RRAGC: variants seen among roughly 807,000 people sequenced by gnomAD.
RRAGC encodes the protein ras-related GTP-binding protein C.
Under a neutral mutation model 37.1 loss-of-function variants are expected in RRAGC, and 8 were observed. The ratio of observed to expected loss-of-function variants is 0.22; its 90% CI spans 0.13 to 0.39. The LOEUF (loss-of-function observed/expected upper bound fraction) is 0.39. RRAGC is among the 10% of genes least tolerant of loss of function. The pLI is 1.00. For synonymous variants in RRAGC, 190 were observed against 181.1 expected, an observed-to-expected ratio of 1.05 and a Z score of -0.39; for missense variants, 342 against 497.6, an observed-to-expected ratio of 0.69 and a Z score of 2.98.
chr1:38,851,234 G>C (rs192755842), intron 5 of RRAGC, among the ~76,000 whole-genome samples: 1 of 152,122 alleles, frequency 6.6e-6, no homozygotes, highest in Non-Finnish European at 1.5e-5. Context: ...CACAAAGCCT[G>C]AGGTTAAATC....
chr1:38,842,248 G>A (rs1258871057), intron 6 of RRAGC, among the ~76,000 whole-genome samples: 3 of 152,196 alleles, frequency 2.0e-5, no homozygotes, highest in South Asian at 2.1e-4. Context: ...CTCCAGCCTG[G>A]GTGACAGAGC....
rs993275832 is a variant in RRAGC, at chr1:38,859,764, C to T, written c.-118G>A. The T allele has an allele frequency of 2.0e-5, 18 of 914,924 alleles. No individual in the cohort carries two copies. The African/African-American group carries it at 3.2e-4, about 16-fold the overall frequency. The allele number at this position is 914,924 out of a possible 1,614,324, so 56.7% of individuals were successfully genotyped here. On this transcript the variant is annotated 5_prime_UTR_variant, in exon 1 of 7. Coordinates refer to ENST00000373001, the MANE Select transcript of RRAGC (RefSeq NM_022157.4). The stretch of plus-strand genomic sequence containing the variant: ...CCACCGCCACCGCCCCCGGCAGCCG[C>T]CACAGTCCGGCCCGCCCCCCGGAGC...
chr1:38,849,235 G>A (rs1642066398), intron 5 of RRAGC, among the ~76,000 whole-genome samples: 1 of 152,104 alleles, frequency 6.6e-6, no homozygotes, highest in Non-Finnish European at 1.5e-5. Context: ...CGTGGCTGGA[G>A]TGCAGTGATG....
In RRAGC at chr1:38,856,894, G is replaced by A. The variant is rs755962840; in HGVS notation, c.426C>T (p.Tyr142=). ...TACTGACTACCTGTGCGTCAATGAC[G>A]TATATCAATGCTCCTGTTCCCCTGA... The part of the protein sequence containing the change: ...MIFRGTGALI[Y]VIDAQDDYME... Residue 142 remains tyrosine, a synonymous_variant, in exon 2 of 7, where the codon TAC becomes TAT. Coordinates refer to ENST00000373001, the MANE Select transcript of RRAGC (RefSeq NM_022157.4). 11 of 1,613,918 alleles carry A rather than the reference G, an allele frequency of 6.8e-6. No individual in the cohort carries two copies. Among genetic ancestry groups the A allele is most frequent in the East Asian group, 2.2e-5 (1 of 44,892 alleles).
At position 38,859,700 on chromosome 1, in the gene RRAGC, G is replaced by GGCCGCCGCCTCCCCAGTCCGCCTCC. The variant is rs1464471139; in HGVS notation, c.-79_-55dup. On this transcript the variant is annotated 5_prime_UTR_variant, in exon 1 of 7. Coordinates refer to ENST00000373001, the MANE Select transcript of RRAGC (RefSeq NM_022157.4). Reference sequence around the variant, plus strand: ...TGACAGGCCAGGCCAGGCCGAGCCAGGCCGCCGCCTCCCCAGTCCGCCTCC... The same window carrying GGCCGCCGCCTCCCCAGTCCGCCTCC: ...TGACAGGCCAGGCCAGGCCGAGCCAGGCCGCCGCCTCCCCAGTCCGCCTCCGCCGCCGCCTCCCCAGTCCGCCTCC... 4.4e-6 allele frequency: 6 copies of GGCCGCCGCCTCCCCAGTCCGCCTCC among 1,352,406 alleles called. No homozygotes were observed. Among genetic ancestry groups the GGCCGCCGCCTCCCCAGTCCGCCTCC allele is most frequent in the Non-Finnish European group, 5.7e-6 (6 of 1,047,940 alleles). 83.8% of individuals were successfully genotyped at this position (1,352,406 alleles called of 1,614,324 possible).
chr1:38,852,554 T>G lies in RRAGC; in HGVS notation c.642-66A>C, dbSNP rs899071082. ...TTATGTTCTATGACAACTATTATAA[T>G]ACATAAAATTTTAAGTTTCTTAACA... On this transcript the variant is annotated intron_variant, in intron 3 of 6. Transcript: ENST00000373001. The G allele has an allele frequency of 7.8e-6, 6 of 766,686 alleles. No individual in the cohort carries two copies. The African/African-American group carries it at 1.1e-4, about 14-fold the overall frequency. 47.5% of individuals were successfully genotyped at this position (766,686 alleles called of 1,614,324 possible).
chr1:38,859,448 T>A lies in RRAGC; in HGVS notation c.199A>T (p.Met67Leu), dbSNP rs1642208581. The A allele has an allele frequency of 3.2e-6, 5 of 1,548,340 alleles. No homozygotes were observed. The highest frequency in any genetic ancestry group is 1.2e-5 in the South Asian group (1 of 84,006). ...GACTTGCCGCTGCGCCGGAGTCCCA[T>A]GAGCAGAATCCTCGGCTTGGAGCTG... is the stretch of plus-strand genomic sequence containing the variant. ...ADSSKPRILLMGLRRSGKSSI... is the reference protein window; with the variant it reads ...ADSSKPRILLLGLRRSGKSSI... The change falls in exon 1 of 7, where the codon ATG becomes TTG. Residue 67 changes from methionine (M) to leucine (L), a missense_variant. Coordinates refer to ENST00000373001, the MANE Select transcript of RRAGC (RefSeq NM_022157.4).
At chr1:38,842,039 G>A (rs374709294) in intron 6 of RRAGC, among the ~76,000 whole-genome samples, 1 of 152,186 alleles carries the variant, frequency 6.6e-6, no homozygotes, top group South Asian at 2.1e-4. Flanking sequence ...TCAGGAGGCT[G>A]AGGCAGGTGG....
chr1:38,839,226 G>A lies in RRAGC; in HGVS notation c.*327C>T, dbSNP rs760401544. On this transcript the variant is annotated 3_prime_UTR_variant, in exon 7 of 7. Coordinates refer to ENST00000373001, the MANE Select transcript of RRAGC (RefSeq NM_022157.4). ...CTGGAATTGATGGCAACATTCCCTG[G>A]TAAGGATGGGTAACTGGTGTTATCT... The A allele has an allele frequency of 5.5e-5, 13 of 234,466 alleles. No individual in the cohort carries two copies. The highest frequency in any genetic ancestry group is 1.1e-4 in the Admixed American group (2 of 18,042). 14.5% of individuals were successfully genotyped at this position (234,466 alleles called of 1,614,324 possible). A position where few individuals can be genotyped will look rare whatever the true frequency, so the allele number is the denominator to read the frequency against.
chr1:38,849,100 CAA>C (rs562731544), intron 5 of RRAGC, among the ~76,000 whole-genome samples: 3 of 116,440 alleles, frequency 2.6e-5, no homozygotes. Flanking sequence ...GACCATGTCT[CAA>C]AAAAAAAAAA....
chr1:38,847,594 C>G (rs990616062), intron 5 of RRAGC: 1 of 151,726 alleles, frequency 6.6e-6, no homozygotes, highest in Non-Finnish European at 1.5e-5. Flanking sequence ...CTTATTTTTA[C>G]TATTCTGAAC....
intron 6 of RRAGC, among the ~76,000 whole-genome samples, chr1:38,841,134 G>C (rs1479601329): frequency 1.3e-5 from 2 of 152,056 alleles, no homozygotes; most frequent in Non-Finnish European, 2.9e-5. Context: ...GATAACTACT[G>C]AATCTGGGCA....
rs1479250689 is a variant in RRAGC at position 38,859,436 on chromosome 1, G to T, written c.211C>A (p.Arg71Ser). 1 of 1,548,262 alleles carries T rather than the reference G, an allele frequency of 6.5e-7. No homozygotes were observed. The highest frequency in any genetic ancestry group is 1.4e-5 in the African/African-American group (1 of 72,966). The change falls in exon 1 of 7, where the codon CGC (arginine) becomes AGC (serine). Residue 71 changes from arginine to serine, a missense_variant. By Grantham distance (110) the Arg-to-Ser change is moderately radical (BLOSUM62 -1). This residue lies in a region of RRAGC where 134 missense variants were observed against 277.2 expected (regional missense o/e 0.48). Coordinates refer to ENST00000373001, the MANE Select transcript of RRAGC (RefSeq NM_022157.4). ...TTCTGGATGGAGGACTTGCCGCTGCGCCGGAGTCCCATGAGCAGAATCCTC... is the reference window on the plus strand; with the variant it reads ...TTCTGGATGGAGGACTTGCCGCTGCTCCGGAGTCCCATGAGCAGAATCCTC... ...KPRILLMGLR[R>S]SGKSSIQKVV...
rs1325280530 is a variant in RRAGC at position 38,839,348 on chromosome 1, T to G, written c.*205A>C. ...CTCCAGAATTTTTTTTTTTTTTTTTTGCCATTTTCAAAAAAGATATAGTAG... is the reference window on the plus strand; with the variant it reads ...CTCCAGAATTTTTTTTTTTTTTTTTGGCCATTTTCAAAAAAGATATAGTAG... On this transcript the variant is annotated 3_prime_UTR_variant, in exon 7 of 7. Transcript: ENST00000373001. The G allele has an allele frequency of 4.8e-6, 2 of 414,056 alleles. No individual in the cohort carries two copies. Among genetic ancestry groups the G allele is most frequent in the African/African-American group, 2.0e-5 (1 of 49,332 alleles). The allele number at this position is 414,056 out of a possible 1,614,324, so 25.6% of individuals were successfully genotyped here.
chr1:38,843,382 C>T (rs1176502757), intron 6 of RRAGC, among the ~76,000 whole-genome samples: 1 of 151,966 alleles, frequency 6.6e-6, no homozygotes, highest in Non-Finnish European at 1.5e-5. Context: ...GGTGAAGATA[C>T]ATGTTTTGAT....
At chr1:38,849,483 G>GGAT (rs939617101) in intron 5 of RRAGC, among the ~76,000 whole-genome samples, 4 of 152,302 alleles carry the variant, frequency 2.6e-5, no homozygotes, top group African/African-American at 9.6e-5. Context: ...GAGGCCAGGA[G>GGAT]TTCGAGACCA....
Position 38,838,994 on chromosome 1 carries a change from T to C in RRAGC, c.*559A>G, listed in dbSNP as rs1641917020. The C allele has an allele frequency of 1.3e-5, 2 of 152,260 alleles. No homozygotes were observed. The highest frequency in any genetic ancestry group is 1.3e-4 in the Admixed American group (2 of 15,282). The allele number at this position is 152,260 out of a possible 1,614,324, so 9.4% of individuals were successfully genotyped here. A position where few individuals can be genotyped will look rare whatever the true frequency, so the allele number is the denominator to read the frequency against. ...TGATGCAGCATAAAATTTTCTCTCATTTCTTCAATATAGGAATGTCTTGCT... is the reference window on the plus strand; with the variant it reads ...TGATGCAGCATAAAATTTTCTCTCACTTCTTCAATATAGGAATGTCTTGCT... On this transcript the variant is annotated 3_prime_UTR_variant, in exon 7 of 7. Transcript: ENST00000373001.
At chr1:38,844,973 C>A (rs1270913333) in intron 6 of RRAGC, among the ~76,000 whole-genome samples, 1 of 152,162 alleles carries the variant, frequency 6.6e-6, no homozygotes, top group Admixed American at 6.5e-5. Context: ...AGTCAGGAAA[C>A]AACAGATGCT....
intron 5 of RRAGC, among the ~76,000 whole-genome samples, chr1:38,849,186 AG>A (rs1333252731): frequency 6.6e-6 from 1 of 151,332 alleles, no homozygotes; most frequent in Non-Finnish European, 1.5e-5. Flanking sequence ...CTGAGGTGGG[AG>A]GATCACTTGA....
Sources: allele counts gnomAD v4.1 joint callset (sites outside exome capture counted in the v4.1 genomes callset), GRCh38; gene constraint gnomAD v4.1.1; regional missense constraint gnomAD v4.1.1; transcripts MANE v1.5; gene names NCBI Gene and HGNC (gene_info 2026-07-23, HGNC 2026-07-21).